Variants in ARHGAP17 observed in about 807,000 individuals in gnomAD.
ARHGAP17 encodes Rho GTPase activating protein 17, also known as rho GTPase-activating protein 17.
ARHGAP17 carries 57 observed loss-of-function variants against 99.5 expected under a neutral mutation model. That is an observed-to-expected ratio of 0.57 (90% CI 0.46 to 0.71). The LOEUF (loss-of-function observed/expected upper bound fraction) is 0.71. Among genes scored for constraint, ARHGAP17 ranks in the 30% least tolerant of loss-of-function variants. ARHGAP17 has a pLI of 0.00. For synonymous variants in ARHGAP17, 417 were observed against 429.6 expected (o/e 0.97, Z 0.36); for missense variants, 1,000 against 1,122.4 (o/e 0.89, Z 1.56).
At chr16:24,996,816 TG>T (rs2053205116) in intron 1 of ARHGAP17, among the ~76,000 whole-genome samples, 1 of 151,910 alleles carries the variant, frequency 6.6e-6, no homozygotes, top group East Asian at 1.9e-4. Context: ...CCTGGCATGG[TG>T]GCTCACACCT....
chr16:24,973,803 C>T (rs1478575203), intron 3 of ARHGAP17, among the ~76,000 whole-genome samples: 2 of 152,200 alleles, frequency 1.3e-5, no homozygotes, highest in Non-Finnish European at 2.9e-5. Flanking sequence ...AGCACTTGTA[C>T]ACAGTAGGTG....
chr16:24,939,325 C>CGT, intron 17 of ARHGAP17, 39 bp downstream of exon 17: 1 of 1,523,702 alleles, frequency 6.6e-7, no homozygotes, highest in Non-Finnish European at 8.8e-7. Context: ...AAGGCTGGGG[C>CGT]GTCCAGCCTC....
chr16:24,927,448 A>T (rs1007675958), intron 19 of ARHGAP17, among the ~76,000 whole-genome samples: 2 of 152,220 alleles, frequency 1.3e-5, no homozygotes, highest in Non-Finnish European at 2.9e-5. Context: ...AAGAATGGAA[A>T]TTAAAGAAGT....
At chr16:24,922,539 C>T (rs1433701705) in intron 19 of ARHGAP17, among the ~76,000 whole-genome samples, 1 of 152,136 alleles carries the variant, frequency 6.6e-6, no homozygotes, top group Admixed American at 6.5e-5. Context: ...GTTTCCCCAG[C>T]CCCTCTCTAT....
chr16:24,940,058 A>T (rs2051268659), intron 16 of ARHGAP17: 1 of 172,306 alleles, frequency 5.8e-6, no homozygotes, highest in South Asian at 1.3e-4. Flanking sequence ...AGCTTGGACT[A>T]CTGGCACACA....
chr16:24,967,863 T>G (rs958011909), intron 6 of ARHGAP17, among the ~76,000 whole-genome samples: 2 of 151,982 alleles, frequency 1.3e-5, no homozygotes, highest in African/African-American at 4.8e-5. Flanking sequence ...AGTCCTGCTC[T>G]GAATCCTGAC....
intron 9 of ARHGAP17, chr16:24,956,728 G>T (rs1440115009): frequency 1.3e-5 from 2 of 152,218 alleles, no homozygotes; most frequent in African/African-American, 4.8e-5. Context: ...ACTTTCAGGA[G>T]AAGCCAGAAA....
chr16:24,992,888 A>ACTCCTGGGCTCAGCAATC (rs1597469037), intron 1 of ARHGAP17, among the ~76,000 whole-genome samples: 1 of 151,522 alleles, frequency 6.6e-6, no homozygotes, highest in Admixed American at 6.6e-5. Flanking sequence ...TTAGCCTCCA[A>ACTCCTGGGCTCAGCAATC]CTCCTGGGCT....
At chr16:24,944,884 G>T (rs1290063302) in intron 14 of ARHGAP17, among the ~76,000 whole-genome samples, 1 of 151,934 alleles carries the variant, frequency 6.6e-6, no homozygotes, top group Non-Finnish European at 1.5e-5. Flanking sequence ...CCAAAGTGCT[G>T]GGATTACAGG....
At chr16:24,982,989 T>C (rs1378449640) in intron 1 of ARHGAP17, among the ~76,000 whole-genome samples, 2 of 30,640 alleles carry the variant, frequency 6.5e-5, no homozygotes, top group African/African-American at 3.1e-4. Flanking sequence ...TATATATATA[T>C]ATATATATTT....
intron 1 of ARHGAP17, among the ~76,000 whole-genome samples, chr16:24,986,453 A>G (rs1471479388): frequency 3.3e-5 from 5 of 152,224 alleles, no homozygotes; most frequent in Non-Finnish European, 5.9e-5. Flanking sequence ...CAGAAAGCTC[A>G]GAAGAATGGT....
At chr16:24,979,774 G>A (rs2052619307) in intron 1 of ARHGAP17, among the ~76,000 whole-genome samples, 1 of 152,018 alleles carries the variant, frequency 6.6e-6, no homozygotes, top group African/African-American at 2.4e-5. Flanking sequence ...GCAGTGGTGT[G>A]ATCTCAGCTC....
intron 19 of ARHGAP17, among the ~76,000 whole-genome samples, chr16:24,926,566 G>T (rs1025482113): frequency 4.6e-5 from 7 of 152,196 alleles, no homozygotes; most frequent in African/African-American, 1.4e-4. Flanking sequence ...CCCAGCTCAT[G>T]CTTATTTTTA....
intron 1 of ARHGAP17, among the ~76,000 whole-genome samples, chr16:24,998,408 G>C (rs1168678683): frequency 6.6e-6 from 1 of 152,030 alleles, no homozygotes; most frequent in African/African-American, 2.4e-5. Context: ...GCCTTGGACA[G>C]AGGGTGGGGT....
At position 25,004,291 on chromosome 16, in the gene ARHGAP17, G is replaced by A. The variant is rs533158087; in HGVS notation, c.53+10918C>T. ...AATTTGTTTAAAAATGATTGCTCACGTTACATGCCCAGCGGAGTCCTCACT... is the reference window on the plus strand; with the variant it reads ...AATTTGTTTAAAAATGATTGCTCACATTACATGCCCAGCGGAGTCCTCACT... On this transcript the variant is annotated intron_variant, in intron 1 of 19. Coordinates refer to ENST00000289968, the MANE Select transcript of ARHGAP17 (RefSeq NM_001006634.3). Among the ~76,000 whole-genome samples, 8 of 152,248 alleles carry A rather than the reference G, an allele frequency of 5.3e-5. No individual in the cohort carries two copies. In the South Asian group the frequency reaches 6.2e-4, roughly 12 times the overall value.
chr16:24,962,243 G>A lies in ARHGAP17; in HGVS notation c.573+1954C>T, dbSNP rs75466117. Among the ~76,000 whole-genome samples the A allele has an allele frequency of 3.6e-3, 555 of 152,228 alleles. 8 individuals are homozygous for A. The highest frequency in any genetic ancestry group is 0.013 in the African/African-American group (534 of 41,530). On this transcript the variant is annotated intron_variant, in intron 7 of 19. Coordinates refer to ENST00000289968, the MANE Select transcript of ARHGAP17 (RefSeq NM_001006634.3). Reference sequence around the variant, plus strand: ...CAATGGAAGCTGGAGATGACCTGGGGCAGATTTGTGCCAGTCTTGGTGACC... The same window carrying A: ...CAATGGAAGCTGGAGATGACCTGGGACAGATTTGTGCCAGTCTTGGTGACC...
intron 1 of ARHGAP17, among the ~76,000 whole-genome samples, chr16:24,995,140 C>T (rs1363975459): frequency 6.6e-6 from 1 of 152,060 alleles, no homozygotes; most frequent in Admixed American, 6.6e-5. Flanking sequence ...GGTAATGGCC[C>T]GATAATTAAA....
At chr16:25,006,784 G>C (rs1381680255) in intron 1 of ARHGAP17, among the ~76,000 whole-genome samples, 2 of 152,158 alleles carry the variant, frequency 1.3e-5, no homozygotes, top group African/African-American at 4.8e-5. Context: ...AGAAGATAGA[G>C]GGAAATGAAG....
intron 19 of ARHGAP17, 57 bp downstream of exon 19, chr16:24,930,727 T>TAG (rs1567207857): frequency 6.2e-7 from 1 of 1,613,954 alleles, no homozygotes; most frequent in African/African-American, 1.3e-5. Flanking sequence ...TAAAATGTAG[T>TAG]AGTACAAAAG....
Sources: gnomAD v4.1 joint callset for allele counts (sites outside exome capture counted in the v4.1 genomes callset) on GRCh38, gnomAD v4.1.1 for gene constraint, MANE v1.5 for transcripts, NCBI Gene and HGNC (gene_info 2026-07-23, HGNC 2026-07-21) for gene names.